GPC6: variants seen among roughly 807,000 people sequenced by gnomAD.
GPC6 encodes glypican-6.
A neutral mutation model predicts 55.2 loss-of-function variants in GPC6; 14 were observed. The ratio of observed to expected loss-of-function variants is 0.25; its 90% CI spans 0.17 to 0.40. The LOEUF (loss-of-function observed/expected upper bound fraction) is 0.40. Among genes scored for constraint, GPC6 ranks in the 10% least tolerant of loss-of-function variants. GPC6 has a pLI of 1.00. For missense variants in GPC6, 641 were observed against 708.5 expected (o/e 0.90, Z 1.08); for synonymous variants, 278 against 259.6 (o/e 1.07, Z -0.68).
chr13:93,809,714 T>C (rs900720021), intron 2 of GPC6, among the ~76,000 whole-genome samples: 5 of 152,172 alleles, frequency 3.3e-5, no homozygotes, highest in Non-Finnish European at 5.9e-5. Flanking sequence ...CACTCACTCT[T>C]GAGAATGCTG....
chr13:93,880,739 G>A (rs965176446), intron 3 of GPC6, among the ~76,000 whole-genome samples: 20 of 151,542 alleles, frequency 1.3e-4, no homozygotes, highest in African/African-American at 3.2e-4. Flanking sequence ...AAAAATCATC[G>A]AACCATTATT....
intron 6 of GPC6, among the ~76,000 whole-genome samples, chr13:94,357,390 A>G (rs1296553910): frequency 6.6e-6 from 1 of 152,112 alleles, no homozygotes; most frequent in Non-Finnish European, 1.5e-5. Flanking sequence ...TTCTCCCTAG[A>G]GCCCCTACTT....
At chr13:93,968,879 G>T (rs1014162403) in intron 3 of GPC6, among the ~76,000 whole-genome samples, 1 of 152,006 alleles carries the variant, frequency 6.6e-6, no homozygotes, top group African/African-American at 2.4e-5. Flanking sequence ...AGAATTATTT[G>T]GAATGACATG....
chr13:93,805,473 T>C (rs931469268), intron 2 of GPC6, among the ~76,000 whole-genome samples: 2 of 152,108 alleles, frequency 1.3e-5, no homozygotes, highest in Non-Finnish European at 2.9e-5. Flanking sequence ...TTTTAAAAGA[T>C]TATTATATTT....
rs1476434376 is a variant in GPC6 at position 93,454,802 on chromosome 13, G to C, written c.161-90461G>C. Among the ~76,000 whole-genome samples, 4 of 152,242 alleles carry C rather than the reference G, an allele frequency of 2.6e-5. No homozygotes were observed. The East Asian group carries it at 7.7e-4, about 29-fold the overall frequency. ...CCTGCGCCTGCACTCCTCGGCCCTT[G>C]AGTGGTCGATGGGAGTGGGCGCCCT... On this transcript the variant is annotated intron_variant, in intron 1 of 8. Transcript: ENST00000377047.
chr13:94,075,879 G>T (rs1299470786), intron 4 of GPC6, among the ~76,000 whole-genome samples: 1 of 152,000 alleles, frequency 6.6e-6, no homozygotes, highest in Non-Finnish European at 1.5e-5. Flanking sequence ...TGGACATTTG[G>T]GTTGTTATCT....
intron 2 of GPC6, among the ~76,000 whole-genome samples, chr13:93,747,610 G>C (rs1010920749): frequency 6.6e-6 from 1 of 152,122 alleles, no homozygotes; most frequent in Non-Finnish European, 1.5e-5. Flanking sequence ...CAACCATTCT[G>C]TTTTTCACTT....
intron 3 of GPC6, among the ~76,000 whole-genome samples, chr13:93,893,939 A>G (rs1165495793): frequency 2.0e-5 from 3 of 152,160 alleles, no homozygotes; most frequent in Admixed American, 6.6e-5. Context: ...CTTTTCCTCA[A>G]TTAAGAACAC....
In GPC6 at chr13:94,405,786, C is replaced by T. The variant is rs140244284; in HGVS notation, c.*2569C>T. The T allele has an allele frequency of 4.1e-4, 62 of 152,232 alleles. 1 individual carries two copies. The highest frequency in any genetic ancestry group is 1.3e-3 in the African/African-American group (56 of 41,558). The allele number at this position is 152,232 out of a possible 1,614,324, so 9.4% of individuals were successfully genotyped here. A position where few individuals can be genotyped will look rare whatever the true frequency, so the allele number is the denominator to read the frequency against. ...GAAATGATATCAGTTAATGATGTCACAGTGTTAGCACCCTGCATGGATGTG... is the reference window on the plus strand; with the variant it reads ...GAAATGATATCAGTTAATGATGTCATAGTGTTAGCACCCTGCATGGATGTG... On this transcript the variant is annotated 3_prime_UTR_variant, in exon 9 of 9. Transcript: ENST00000377047.
At chr13:93,688,440 T>G (rs1207448984) in intron 2 of GPC6, among the ~76,000 whole-genome samples, 1 of 152,092 alleles carries the variant, frequency 6.6e-6, no homozygotes, top group African/African-American at 2.4e-5. Flanking sequence ...ATACAAAAGT[T>G]AAAAGCAGAG....
intron 2 of GPC6, among the ~76,000 whole-genome samples, chr13:93,634,562 C>T (rs1879613353): frequency 6.6e-6 from 1 of 152,102 alleles, no homozygotes; most frequent in Admixed American, 6.5e-5. Flanking sequence ...CAGTTCCAGA[C>T]ATATGTTTTG....
chr13:94,056,886 G>T (rs923017803), intron 4 of GPC6, among the ~76,000 whole-genome samples: 3 of 152,154 alleles, frequency 2.0e-5, no homozygotes, highest in Admixed American at 2.0e-4. Context: ...ATCAAAAGAG[G>T]AATGGCTGTA....
At chr13:94,137,925 G>T (rs1887243377) in intron 4 of GPC6, among the ~76,000 whole-genome samples, 1 of 152,176 alleles carries the variant, frequency 6.6e-6, no homozygotes, top group Non-Finnish European at 1.5e-5. Flanking sequence ...AAGTTTCTAG[G>T]TGATAATGAT....
the GPC6 span, among the ~76,000 whole-genome samples, chr13:93,221,079 C>T: frequency 1.3e-5 from 2 of 151,884 alleles, no homozygotes; most frequent in Admixed American, 6.6e-5. Context: ...AATAGGATTT[C>T]GATATGTTGC....
At chr13:93,366,975 A>G (rs1594122426) in intron 1 of GPC6, among the ~76,000 whole-genome samples, 3 of 152,096 alleles carry the variant, frequency 2.0e-5, no homozygotes, top group South Asian at 2.1e-4. Context: ...TGTCTTAGAG[A>G]TACAGTGGAC....
At chr13:93,935,261 C>T (rs975334119) in intron 3 of GPC6, among the ~76,000 whole-genome samples, 8 of 152,158 alleles carry the variant, frequency 5.3e-5, no homozygotes, top group Admixed American at 2.6e-4. Context: ...CCTTGGCCCC[C>T]TCCCATCCTC....
chr13:94,286,954 C>T (rs1892549412), intron 5 of GPC6, among the ~76,000 whole-genome samples: 3 of 152,130 alleles, frequency 2.0e-5, no homozygotes, highest in South Asian at 4.1e-4. Context: ...CTTTCATTAA[C>T]AAATCTTCAG....
At chr13:93,509,378 C>T (rs141429664) in intron 1 of GPC6, among the ~76,000 whole-genome samples, 3 of 152,302 alleles carry the variant, frequency 2.0e-5, no homozygotes, top group African/African-American at 7.2e-5. Context: ...CTGCCTTCCT[C>T]TCCAATAACA....
intron 4 of GPC6, among the ~76,000 whole-genome samples, chr13:94,136,737 T>A (rs1887200048): frequency 6.6e-6 from 1 of 152,164 alleles, no homozygotes; most frequent in South Asian, 2.1e-4. Context: ...AAGTTTGTTC[T>A]TTTTAATTCT....
Sources: gnomAD v4.1 joint callset for allele counts (sites outside exome capture counted in the v4.1 genomes callset) on GRCh38, gnomAD v4.1.1 for gene constraint, MANE v1.5 for transcripts, NCBI Gene and HGNC (gene_info 2026-07-23, HGNC 2026-07-21) for gene names.